The following EPM2A variants were observed in gnomAD, a reference collection of about 807,000 sequenced individuals.
EPM2A encodes laforin.
Under a neutral mutation model 26.5 loss-of-function variants are expected in EPM2A, and 21 were observed. That is an observed-to-expected ratio of 0.79 (90% confidence interval 0.56 to 1.14). EPM2A has a LOEUF of 1.14. Among genes scored for constraint, EPM2A ranks in the 50% most tolerant of loss-of-function variants. The pLI is 0.00. For synonymous variants in EPM2A, 217 were observed against 177.6 expected (o/e 1.22, Z -1.76); for missense variants, 458 against 440.8 (o/e 1.04, Z -0.35).
intron 4 of EPM2A, among the ~76,000 whole-genome samples, chr6:145,426,611 G>T (rs1337792236): frequency 1.3e-5 from 2 of 152,124 alleles, no homozygotes; most frequent in Non-Finnish European, 2.9e-5. Context: ...TGTATACAGA[G>T]ATTTTTCTTG....
chr6:145,687,343 T>G (rs1780993613), intron 1 of EPM2A, among the ~76,000 whole-genome samples: 1 of 151,722 alleles, frequency 6.6e-6, no homozygotes, highest in African/African-American at 2.4e-5. Flanking sequence ...TGCCTCAATC[T>G]TAGACCCCCC....
chr6:145,712,772 T>A (rs896858168), intron 1 of EPM2A, among the ~76,000 whole-genome samples: 15 of 152,194 alleles, frequency 9.9e-5, no homozygotes, highest in Non-Finnish European at 2.1e-4. Context: ...ATTCATCTCA[T>A]CAAACAAGGG....
At chr6:145,404,958 A>G (rs1257767397) in intron 4 of EPM2A, among the ~76,000 whole-genome samples, 2 of 152,150 alleles carry the variant, frequency 1.3e-5, no homozygotes, top group African/African-American at 4.8e-5. Context: ...TACAATTTAT[A>G]AAACTTTGTG....
chr6:145,497,539 G>A (rs112552206), downstream of EPM2A, among the ~76,000 whole-genome samples: 12 of 47,716 alleles, frequency 2.5e-4, no homozygotes, highest in African/African-American at 8.2e-4. Flanking sequence ...TCCACTTAAG[G>A]AAGTGATCTA....
intron 2 of EPM2A, among the ~76,000 whole-genome samples, chr6:145,609,854 G>T (rs998923677): frequency 6.6e-6 from 1 of 152,204 alleles, no homozygotes; most frequent in Non-Finnish European, 1.5e-5. Flanking sequence ...ATTGGAAACA[G>T]ACAGTTACTT....
At chr6:145,473,491 G>A (rs1164969084) in intron 4 of EPM2A, among the ~76,000 whole-genome samples, 1 of 151,976 alleles carries the variant, frequency 6.6e-6, no homozygotes, top group African/African-American at 2.4e-5. Context: ...GAGGTAGAAA[G>A]TTTACTCAAA....
At chr6:145,397,383 G>A (rs1383284647) in intron 4 of EPM2A, among the ~76,000 whole-genome samples, 5 of 152,180 alleles carry the variant, frequency 3.3e-5, no homozygotes, top group Admixed American at 2.0e-4. Flanking sequence ...TGAGGCTGCA[G>A]TGAGGTATGA....
intron 2 of EPM2A, among the ~76,000 whole-genome samples, chr6:145,586,801 G>A (rs9403731): frequency 0.43 from 65,928 of 151,878 alleles, 14,817 homozygotes; most frequent in South Asian, 0.52. Flanking sequence ...TTGTAGATAT[G>A]TCTTCAACCC....
intron 4 of EPM2A, among the ~76,000 whole-genome samples, chr6:145,416,753 T>G (rs1418861096): frequency 6.6e-6 from 1 of 152,198 alleles, no homozygotes; most frequent in Non-Finnish European, 1.5e-5. Flanking sequence ...CACAATATAC[T>G]TTTATTTTTA....
chr6:145,718,827 C>T (rs1255751874), intron 1 of EPM2A, among the ~76,000 whole-genome samples: 2 of 152,192 alleles, frequency 1.3e-5, no homozygotes, highest in South Asian at 2.1e-4. Context: ...TGAACAGACA[C>T]TTCTCAAAAG....
rs2114815728 is a variant in EPM2A at position 145,562,174 on chromosome 6, C to T, written c.341-59599G>A. On this transcript the variant is annotated intron_variant, in intron 2 of 3. Coordinates refer to the EPM2A transcript ENST00000450221. The stretch of plus-strand genomic sequence containing the variant: ...AATATGTATACATTGTTGAATGGCT[C>T]AGTTCAAGTAATTAACATATGCATT... Among the ~76,000 whole-genome samples, 3 of 149,312 alleles carry T rather than the reference C, an allele frequency of 2.0e-5. No individual in the cohort carries two copies. In the South Asian group the frequency reaches 6.4e-4, roughly 32 times the overall value.
chr6:145,524,086 C>A (rs2114776681), intron 2 of EPM2A, among the ~76,000 whole-genome samples: 1 of 152,290 alleles, frequency 6.6e-6, no homozygotes, highest in South Asian at 2.1e-4. Flanking sequence ...ATAATGGCCT[C>A]CAGCTACACC....
chr6:145,452,088 C>T (rs1344082561), intron 4 of EPM2A, among the ~76,000 whole-genome samples: 1 of 152,190 alleles, frequency 6.6e-6, no homozygotes, highest in Non-Finnish European at 1.5e-5. Flanking sequence ...CCCTGGCTCT[C>T]TTAACAGTTG....
At chr6:145,524,957 T>A (rs889061333) in intron 2 of EPM2A, among the ~76,000 whole-genome samples, 7 of 152,076 alleles carry the variant, frequency 4.6e-5, no homozygotes, top group Admixed American at 2.0e-4. Context: ...ATGGTGAAAG[T>A]TAAGGGTCTA....
At chr6:145,397,634 C>T (rs79406547) in intron 4 of EPM2A, among the ~76,000 whole-genome samples, 2,171 of 152,256 alleles carry the variant, frequency 0.014, 27 homozygotes, top group Middle Eastern at 0.044. Context: ...CCATAATCTC[C>T]AGTCTCACCA....
At chr6:145,623,159 A>G (rs943842686), downstream of EPM2A, among the ~76,000 whole-genome samples, 1 of 147,864 alleles carries the variant, frequency 6.8e-6, no homozygotes, top group African/African-American at 2.7e-5. Flanking sequence ...CAGGTACATC[A>G]CCGAACAAAA....
chr6:145,465,767 A>T (rs1779383250), intron 4 of EPM2A, among the ~76,000 whole-genome samples: 1 of 152,264 alleles, frequency 6.6e-6, no homozygotes, highest in South Asian at 2.1e-4. Flanking sequence ...CCAAAACAGC[A>T]TGGTACTGGT....
At chr6:145,697,515 G>A (rs111479192) in intron 1 of EPM2A, among the ~76,000 whole-genome samples, 3,462 of 152,196 alleles carry the variant, frequency 0.023, 53 homozygotes, top group Middle Eastern at 0.037. Context: ...AATTTATTAG[G>A]CGGGAATTTC....
chr6:145,597,570 C>T (rs1209319290), intron 2 of EPM2A, among the ~76,000 whole-genome samples: 1 of 149,258 alleles, frequency 6.7e-6, no homozygotes, highest in Non-Finnish European at 1.5e-5. Flanking sequence ...AATCAGTGGG[C>T]TTCTTGTTTT....
Sources: gnomAD v4.1 joint callset for allele counts (sites outside exome capture counted in the v4.1 genomes callset) on GRCh38, gnomAD v4.1.1 for gene constraint, MANE v1.5 for transcripts, NCBI Gene and HGNC (gene_info 2026-07-23, HGNC 2026-07-21) for gene names.